Variants in CD1B observed in about 807,000 individuals in gnomAD.
CD1B encodes the protein CD1b molecule.
Under a neutral mutation model 39.8 loss-of-function variants are expected in CD1B, and 43 were observed. The observed-to-expected ratio is 1.08, with a 90% CI of 0.85 to 1.39. CD1B has a LOEUF of 1.39. Ranked by LOEUF, CD1B falls within the 40% of genes most tolerant of loss-of-function variation. The probability of loss-of-function intolerance (pLI) is 0.00; values close to 1 mark genes in which losing one functional copy is unlikely to be tolerated. For synonymous variants in CD1B, 192 were observed against 152.5 expected, an observed-to-expected ratio of 1.26 and a Z score of -1.91; for missense variants, 495 against 403.8, an observed-to-expected ratio of 1.23 and a Z score of -1.94.
chr1:158,288,178 G>A, the CD1B span, among the ~76,000 whole-genome samples: 2 of 152,210 alleles, frequency 1.3e-5, no homozygotes, highest in African/African-American at 4.8e-5. Flanking sequence ...AATGATTTGG[G>A]TAGGATTTGA....
the CD1B span, among the ~76,000 whole-genome samples, chr1:158,316,164 C>A: frequency 6.6e-6 from 1 of 151,880 alleles, no homozygotes; most frequent in African/African-American, 2.4e-5. Context: ...TCCATATGAA[C>A]TAAAAATAGT....
the CD1B span, among the ~76,000 whole-genome samples, chr1:158,314,658 T>A: frequency 0.088 from 13,459 of 152,126 alleles, 1,174 homozygotes; most frequent in African/African-American, 0.21. Context: ...TTTATTTTTT[T>A]ATTTTTTTAT....
downstream of CD1B, among the ~76,000 whole-genome samples, chr1:158,326,132 G>A (rs761795557): frequency 6.6e-6 from 1 of 152,014 alleles, no homozygotes; most frequent in Non-Finnish European, 1.5e-5. Flanking sequence ...CATCATGCCC[G>A]GCTAATTTTT....
chr1:158,310,943 C>G, the CD1B span, among the ~76,000 whole-genome samples: 1 of 152,102 alleles, frequency 6.6e-6, no homozygotes, highest in Non-Finnish European at 1.5e-5. Context: ...TTAAAAACTA[C>G]CTATGGGTAC....
chr1:158,317,985 C>A, the CD1B span, among the ~76,000 whole-genome samples: 1 of 152,248 alleles, frequency 6.6e-6, no homozygotes, highest in South Asian at 2.1e-4. Flanking sequence ...GAGTGAGATT[C>A]TTAATTCTGA....
chr1:158,299,210 G>GT, the CD1B span, among the ~76,000 whole-genome samples: 6 of 152,114 alleles, frequency 3.9e-5, no homozygotes, highest in Non-Finnish European at 7.4e-5. Context: ...TGTATTGGGA[G>GT]TTTTTTAGCA....
chr1:158,321,342 T>A, the CD1B span, among the ~76,000 whole-genome samples: 3 of 152,242 alleles, frequency 2.0e-5, no homozygotes, highest in African/African-American at 7.2e-5. Flanking sequence ...TCCATTTTGC[T>A]CTCCATTTGC....
At chr1:158,285,969 G>T in the CD1B span, among the ~76,000 whole-genome samples, 3 of 152,116 alleles carry the variant, frequency 2.0e-5, no homozygotes, top group Non-Finnish European at 4.4e-5. Context: ...GGGAGGAAGG[G>T]ATGACAGAGC....
chr1:158,326,871 A>C (rs1356750212), downstream of CD1B, among the ~76,000 whole-genome samples: 1 of 152,128 alleles, frequency 6.6e-6, no homozygotes, highest in African/African-American at 2.4e-5. Context: ...ATCTTGGCTC[A>C]CTGCAACCTC....
intron 3 of CD1B, 32 bp downstream of exon 3, chr1:158,329,820 G>T (rs774391808): frequency 6.3e-7 from 1 of 1,596,066 alleles, no homozygotes; most frequent in Non-Finnish European, 8.5e-7. Flanking sequence ...CTTAGAGGAG[G>T]TGGTGGGAAG....
At chr1:158,300,761 T>C in the CD1B span, among the ~76,000 whole-genome samples, 2 of 109,224 alleles carry the variant, frequency 1.8e-5, no homozygotes, top group African/African-American at 1.2e-4. Context: ...TCTCTCTCTC[T>C]TTTTTTTTTT....
the CD1B span, among the ~76,000 whole-genome samples, chr1:158,294,838 A>G: frequency 6.6e-6 from 1 of 152,232 alleles, no homozygotes; most frequent in Non-Finnish European, 1.5e-5. Context: ...TCAGTGTATT[A>G]GTAACCATTC....
chr1:158,328,252 T>C lies in CD1B; in HGVS notation c.986A>G (p.Tyr329Cys). 1 of 1,611,982 alleles carries C rather than the reference T, an allele frequency of 6.2e-7. No homozygotes were observed. The highest frequency in any genetic ancestry group is 1.1e-5 in the South Asian group (1 of 90,956). The stretch of plus-strand genomic sequence containing the variant: ...GATGATGGCTCATGGGATATTCTGA[T>C]ATGACCTGTTAAAAACAGAAGAACA... Reference protein sequence around the residue: ...LALWYMRRRSYQNIP With the variant: ...LALWYMRRRSCQNIP The change falls in exon 6 of 6, where the codon TAT becomes TGT. Residue 329 changes from tyrosine (Y) to cysteine (C), a missense_variant. Coordinates refer to ENST00000368168, the MANE Select transcript of CD1B (RefSeq NM_001764.3).
the CD1B span, among the ~76,000 whole-genome samples, chr1:158,305,247 C>T: frequency 1.1e-4 from 16 of 151,958 alleles, no homozygotes; most frequent in African/African-American, 2.4e-4. Context: ...TTTAAAGGAC[C>T]GGATGGAGCT....
the CD1B span, among the ~76,000 whole-genome samples, chr1:158,309,561 G>T: frequency 3.3e-5 from 5 of 152,100 alleles, no homozygotes; most frequent in Non-Finnish European, 7.4e-5. Flanking sequence ...ATTCACAATA[G>T]CAAAGACTTG....
the CD1B span, among the ~76,000 whole-genome samples, chr1:158,312,538 A>G: frequency 6.6e-6 from 1 of 152,084 alleles, no homozygotes; most frequent in Admixed American, 6.6e-5. Flanking sequence ...TTCTTTCATC[A>G]GTGTTTTATA....
At chr1:158,291,100 TTC>T in the CD1B span, 3 of 1,570,182 alleles carry the variant, frequency 1.9e-6, no homozygotes, top group African/African-American at 1.4e-5. Flanking sequence ...TTTTTTTTTT[TTC>T]CTTACACTAC....
At chr1:158,308,131 G>T in the CD1B span, among the ~76,000 whole-genome samples, 1 of 152,178 alleles carries the variant, frequency 6.6e-6, no homozygotes, top group African/African-American at 2.4e-5. Context: ...GGCAACTTCA[G>T]CAAAGTCTCA....
chr1:158,293,070 AGTAAG>A, the CD1B span: 24 of 897,400 alleles, frequency 2.7e-5, no homozygotes, highest in Non-Finnish European at 7.0e-6. Context: ...TCCTTCCTTG[AGTAAG>A]TTTTGGAATA....
Sources: gnomAD v4.1 joint callset for allele counts (sites outside exome capture counted in the v4.1 genomes callset) on GRCh38, gnomAD v4.1.1 for gene constraint, MANE v1.5 for transcripts, NCBI Gene and HGNC (gene_info 2026-07-23, HGNC 2026-07-21) for gene names.